NCAM2: variants seen among roughly 807,000 people sequenced by gnomAD.
The protein encoded by NCAM2 is N-CAM-2.
A neutral mutation model predicts 98.1 loss-of-function variants in NCAM2; 30 were observed. The ratio of observed to expected loss-of-function variants is 0.31; its 90% CI spans 0.23 to 0.41. The LOEUF is 0.41. Ranked by LOEUF, NCAM2 falls within the 10% of genes least tolerant of loss-of-function variation. NCAM2 has a pLI of 1.00. For missense variants in NCAM2, 867 were observed against 1,005.8 expected (o/e 0.86, Z 1.87); for synonymous variants, 368 against 342.4 (o/e 1.07, Z -0.83).
intron 1 of NCAM2, among the ~76,000 whole-genome samples, chr21:21,145,829 A>G (rs2067260952): frequency 6.6e-6 from 1 of 152,204 alleles, no homozygotes; most frequent in Non-Finnish European, 1.5e-5. Context: ...ATAGTCTTAT[A>G]GGGAAGATAG....
intron 1 of NCAM2, among the ~76,000 whole-genome samples, chr21:21,218,283 A>G: frequency 6.6e-6 from 1 of 152,180 alleles, no homozygotes; most frequent in East Asian, 1.9e-4. Flanking sequence ...TCCATCTAGC[A>G]TATTTTGAAA....
At chr21:21,343,890 A>C (rs552986947) in intron 8 of NCAM2, among the ~76,000 whole-genome samples, 1 of 152,270 alleles carries the variant, frequency 6.6e-6, no homozygotes, top group Admixed American at 6.5e-5. Context: ...GTGGGGAGGA[A>C]TGTGACATAC....
intron 1 of NCAM2, among the ~76,000 whole-genome samples, chr21:21,226,237 G>A (rs2070377966): frequency 6.6e-6 from 1 of 152,066 alleles, no homozygotes; most frequent in African/African-American, 2.4e-5. Context: ...AGGATTATTA[G>A]AAGCACAAAC....
intron 16 of NCAM2, among the ~76,000 whole-genome samples, chr21:21,511,536 C>T (rs1015024887): frequency 2.0e-5 from 3 of 151,830 alleles, no homozygotes; most frequent in Non-Finnish European, 4.4e-5. Context: ...CTTAGCTATT[C>T]TGAATATTGC....
intron 1 of NCAM2, among the ~76,000 whole-genome samples, chr21:21,103,854 A>C (rs2066292232): frequency 6.6e-6 from 1 of 152,084 alleles, no homozygotes; most frequent in Non-Finnish European, 1.5e-5. Flanking sequence ...TTTATTATCG[A>C]TACATCTTGA....
chr21:21,242,390 T>C (rs1465508434), intron 1 of NCAM2, among the ~76,000 whole-genome samples: 1 of 152,210 alleles, frequency 6.6e-6, no homozygotes, highest in Admixed American at 6.5e-5. Context: ...ATGCAATGCA[T>C]TCTTATTTAT....
chr21:21,411,029 T>C lies in NCAM2; in HGVS notation c.1383+568T>C, dbSNP rs1254378097. Among the ~76,000 whole-genome samples the C allele has an allele frequency of 4.7e-5, 4 of 85,806 alleles. 1 individual carries two copies. Among genetic ancestry groups the C allele is most frequent in the African/African-American group, 1.5e-4 (3 of 20,498 alleles). The allele number at this position is 85,806 out of a possible 152,430, so 56.3% of individuals were successfully genotyped here. ...TTAAAAAAAAAAATATATATATATATATACACACATATATATATGTGTGTG... is the reference window on the plus strand; with the variant it reads ...TTAAAAAAAAAAATATATATATATACATACACACATATATATATGTGTGTG... On this transcript the variant is annotated intron_variant, in intron 10 of 17. Transcript: ENST00000400546.
At chr21:21,207,502 C>T (rs780612616) in intron 1 of NCAM2, among the ~76,000 whole-genome samples, 186 of 151,962 alleles carry the variant, frequency 1.2e-3, no homozygotes, top group Non-Finnish European at 2.2e-3. Flanking sequence ...AGAAACAAAA[C>T]AGGAATGTAA....
intron 1 of NCAM2, among the ~76,000 whole-genome samples, chr21:21,217,378 C>G (rs2069946559): frequency 6.6e-6 from 1 of 152,086 alleles, no homozygotes; most frequent in Non-Finnish European, 1.5e-5. Context: ...AATAAAGATT[C>G]CTAGTGAGTA....
At chr21:21,465,935 AC>A (rs1983623252) in intron 12 of NCAM2, among the ~76,000 whole-genome samples, 1 of 152,032 alleles carries the variant, frequency 6.6e-6, no homozygotes, top group Non-Finnish European at 1.5e-5. Context: ...GGTTGACATG[AC>A]CCAGATATTT....
chr21:21,338,591 A>G, intron 8 of NCAM2, 57 bp downstream of exon 8: 5 of 1,441,130 alleles, frequency 3.5e-6, no homozygotes, highest in South Asian at 3.0e-5. Context: ...AGTATTTTCA[A>G]TATCATTAAA....
intron 15 of NCAM2, among the ~76,000 whole-genome samples, chr21:21,507,413 C>A (rs1988049550): frequency 6.6e-6 from 1 of 152,064 alleles, no homozygotes; most frequent in Non-Finnish European, 1.5e-5. Flanking sequence ...TACATCTATA[C>A]CCGTATCTGT....
chr21:21,350,450 T>C (rs139787300), intron 8 of NCAM2, among the ~76,000 whole-genome samples: 4 of 152,244 alleles, frequency 2.6e-5, no homozygotes, highest in East Asian at 3.9e-4. Flanking sequence ...AGAATTATAT[T>C]ATTTCACATA....
intron 14 of NCAM2, 105 bp downstream of exon 14, chr21:21,468,888 T>C: frequency 3.0e-6 from 3 of 994,686 alleles, no homozygotes; most frequent in Non-Finnish European, 4.2e-6. Flanking sequence ...TTAGTAATTG[T>C]GGTAATAAAT....
At chr21:21,456,046 G>A (rs562382432) in intron 12 of NCAM2, among the ~76,000 whole-genome samples, 8 of 152,162 alleles carry the variant, frequency 5.3e-5, no homozygotes, top group South Asian at 4.1e-4. Context: ...CAATTGGTGC[G>A]TTGATCTCAA....
chr21:21,282,070 G>A (rs1228992269), intron 2 of NCAM2, among the ~76,000 whole-genome samples: 4 of 151,826 alleles, frequency 2.6e-5, no homozygotes, highest in Non-Finnish European at 4.4e-5. Flanking sequence ...ATCAGAGAGT[G>A]TGGAAGAGAT....
intron 1 of NCAM2, among the ~76,000 whole-genome samples, chr21:21,053,281 C>T (rs534544226): frequency 2.6e-5 from 4 of 151,876 alleles, no homozygotes; most frequent in Non-Finnish European, 5.9e-5. Flanking sequence ...TGGTTAATAG[C>T]TTTTTCTCAC....
intron 1 of NCAM2, among the ~76,000 whole-genome samples, chr21:21,056,748 G>A (rs964094509): frequency 1.3e-5 from 2 of 152,016 alleles, no homozygotes; most frequent in African/African-American, 4.8e-5. Flanking sequence ...GAAAGTCTTA[G>A]TATAGTTTGG....
At chr21:21,027,879 G>A (rs886922998) in intron 1 of NCAM2, among the ~76,000 whole-genome samples, 8 of 146,166 alleles carry the variant, frequency 5.5e-5, no homozygotes, top group East Asian at 2.0e-4. Context: ...TTTTTGAGAC[G>A]TCGTTTCTCT....
Sources: gnomAD v4.1 joint callset for allele counts (sites outside exome capture counted in the v4.1 genomes callset) on GRCh38, gnomAD v4.1.1 for gene constraint, MANE v1.5 for transcripts, NCBI Gene and HGNC (gene_info 2026-07-23, HGNC 2026-07-21) for gene names.